HMX1: variants seen among roughly 807,000 people sequenced by gnomAD.
HMX1 encodes homeobox protein HMX1.
In HMX1, 8 loss-of-function variants were observed where a neutral mutation model predicts 8.9. That is an observed-to-expected ratio of 0.90 (90% CI 0.53 to 1.63). The LOEUF (loss-of-function observed/expected upper bound fraction) is 1.63. HMX1 is among the 40% of genes most tolerant of loss of function. The probability of loss-of-function intolerance (pLI) is 0.00; values close to 1 mark genes in which losing one functional copy is unlikely to be tolerated. For synonymous variants in HMX1, 311 were observed against 283.4 expected (o/e 1.10, Z -0.98); for missense variants, 621 against 558.5 (o/e 1.11, Z -1.13).
chr4:8,868,153 A>G lies in HMX1; in HGVS notation c.587T>C (p.Val196Ala), dbSNP rs1041653447. 15 of 1,503,688 alleles carry G rather than the reference A, an allele frequency of 1.0e-5. No individual in the cohort carries two copies. Among genetic ancestry groups the G allele is most frequent in the Middle Eastern group, 2.0e-4 (1 of 4,926 alleles). 93.1% of individuals were successfully genotyped at this position (1,503,688 alleles called of 1,614,324 possible). ...CTTCTTTCGGCCGCCGCCCACGCCA[A>G]CGCCGCCGCGTGTCTCCCCAGCCGC... ...PAAAGETRGG[V>A]GVGGGRKKKT... Residue 196 changes from valine to alanine, a missense_variant, in exon 2 of 2, where the codon GTT (valine) becomes GCT (alanine). Physicochemically the swap from Val to Ala is moderately conservative, Grantham distance 64 (BLOSUM62 0). Coordinates refer to ENST00000400677, the MANE Select transcript of HMX1 (RefSeq NM_018942.3). This position sits in a 1 kb window ranked among gnomAD's most constrained non-coding sequence, Gnocchi z 4.6.
intron 1 of HMX1, among the ~76,000 whole-genome samples, chr4:8,859,704 C>T (rs530746074): frequency 4.1e-4 from 62 of 152,352 alleles, no homozygotes; most frequent in Middle Eastern, 3.4e-3. Flanking sequence ...TACACACGTG[C>T]GTGGTCTATG....
At chr4:8,860,016 G>T (rs1253776933) in intron 1 of HMX1, among the ~76,000 whole-genome samples, 1 of 152,350 alleles carries the variant, frequency 6.6e-6, no homozygotes, top group Non-Finnish European at 1.5e-5. Flanking sequence ...ATTAGAACCG[G>T]CAGAGCCCCG....
At chr4:8,857,840 G>A (rs1478093648) in intron 1 of HMX1, among the ~76,000 whole-genome samples, 5 of 152,106 alleles carry the variant, frequency 3.3e-5, no homozygotes, top group African/African-American at 9.7e-5. Context: ...GCCCAGAGAA[G>A]TGCGCTCCTC....
chr4:8,854,312 G>A (rs1179176539), intron 1 of HMX1, among the ~76,000 whole-genome samples: 3 of 152,374 alleles, frequency 2.0e-5, no homozygotes, highest in Admixed American at 6.5e-5. Flanking sequence ...GGCTGATGCC[G>A]GGGAGAACCC....
intron 1 of HMX1, among the ~76,000 whole-genome samples, chr4:8,858,300 G>C (rs1721681341): frequency 6.6e-6 from 1 of 152,152 alleles, no homozygotes. Context: ...AGAAGCCGAG[G>C]CAGAGAGGTC....
At position 8,870,746 on chromosome 4, in the gene HMX1, C is replaced by T. The variant is rs1198131355; in HGVS notation, c.394+475G>A. ...TGTCTCCCTTTCCCTCCATCTCTTC[C>T]TCCTCTTTTCTCTCTCGGATCACTC... On this transcript the variant is annotated intron_variant, in intron 1 of 1. Coordinates refer to ENST00000400677, the MANE Select transcript of HMX1 (RefSeq NM_018942.3). The surrounding 1 kb of genome is among the most constrained non-coding windows in gnomAD (Gnocchi z 4.4). Among the ~76,000 whole-genome samples, 3 of 151,604 alleles carry T rather than the reference C, an allele frequency of 2.0e-5. No individual in the cohort carries two copies. The highest frequency in any genetic ancestry group is 7.3e-5 in the African/African-American group (3 of 41,260).
At chr4:8,864,442 G>A (rs528311041), downstream of HMX1, among the ~76,000 whole-genome samples, 2 of 152,194 alleles carry the variant, frequency 1.3e-5, no homozygotes, top group Non-Finnish European at 2.9e-5. Flanking sequence ...CCGCGAGGGG[G>A]GAGGGTGCAT....
In HMX1 at chr4:8,867,425, G is replaced by A. The variant is rs914441149; in HGVS notation, c.*268C>T. On this transcript the variant is annotated 3_prime_UTR_variant, in exon 2 of 2. Coordinates refer to ENST00000400677, the MANE Select transcript of HMX1 (RefSeq NM_018942.3). ...GAGGCCGGGGGGTGGCCGTGGCGCC[G>A]GGGGCTGCGCAGCCCAGAGTCTCTG... 1.6e-5 allele frequency: 18 copies of A among 1,093,650 alleles called. No individual in the cohort carries two copies. In the East Asian group the frequency reaches 4.5e-4, roughly 27 times the overall value. The allele number at this position is 1,093,650 out of a possible 1,614,324, so 67.7% of individuals were successfully genotyped here. A position where few individuals can be genotyped will look rare whatever the true frequency, so the allele number is the denominator to read the frequency against.
At position 8,867,946 on chromosome 4, in the gene HMX1, T is replaced by C. The variant is rs1189631858; in HGVS notation, c.794A>G (p.Glu265Gly). Residue 265 changes from glutamate to glycine, a missense_variant, in exon 2 of 2, where the codon GAG becomes GGG. Physicochemically the swap from Glu to Gly is moderately conservative, Grantham distance 98 (BLOSUM62 -2). Transcript: ENST00000400677. Reference sequence around the variant, plus strand: ...CGGGGACAGGCTGGCCGCCTCCAGCTCGGCTGCCAGCTGCCGCTTCCACTT... The same window carrying C: ...CGGGGACAGGCTGGCCGCCTCCAGCCCGGCTGCCAGCTGCCGCTTCCACTT... ...RNKWKRQLAAELEAASLSPPG... is the reference protein window; with the variant it reads ...RNKWKRQLAAGLEAASLSPPG... 1.8e-5 allele frequency: 27 copies of C among 1,485,666 alleles called. No homozygotes were observed. The highest frequency in any genetic ancestry group is 1.6e-4 in the African/African-American group (11 of 68,866). The allele number at this position is 1,485,666 out of a possible 1,614,324, so 92.0% of individuals were successfully genotyped here.
intron 1 of HMX1, among the ~76,000 whole-genome samples, chr4:8,852,743 T>C (rs1027168060): frequency 1.3e-5 from 2 of 152,230 alleles, no homozygotes; most frequent in African/African-American, 4.8e-5. Flanking sequence ...GGCTTCCAAG[T>C]TGCCTCCCAA....
At chr4:8,865,945 T>C (rs1721982904), downstream of HMX1, among the ~76,000 whole-genome samples, 1 of 152,022 alleles carries the variant, frequency 6.6e-6, no homozygotes, top group African/African-American at 2.4e-5. Flanking sequence ...GGGACTGGGT[T>C]GGGGGAGGCC....
intron 1 of HMX1, among the ~76,000 whole-genome samples, chr4:8,861,114 G>T (rs1157954240): frequency 6.6e-5 from 10 of 152,136 alleles, no homozygotes; most frequent in Non-Finnish European, 1.0e-4. Context: ...AGCGGAGCTG[G>T]CGCCACTGTC....
intron 1 of HMX1, among the ~76,000 whole-genome samples, chr4:8,852,333 C>CCACTG (rs1721479236): frequency 6.6e-6 from 1 of 152,246 alleles, no homozygotes; most frequent in Non-Finnish European, 1.5e-5. Flanking sequence ...TGCATCTGCT[C>CCACTG]CACTGCACTT....
At chr4:8,854,828 C>T (rs1281807941) in intron 1 of HMX1, among the ~76,000 whole-genome samples, 4 of 152,234 alleles carry the variant, frequency 2.6e-5, no homozygotes, top group African/African-American at 9.7e-5. Flanking sequence ...ACCCAGCACA[C>T]TTCAAACCAT....
downstream of HMX1, among the ~76,000 whole-genome samples, chr4:8,863,336 G>T (rs1721893358): frequency 6.6e-6 from 1 of 152,224 alleles, no homozygotes; most frequent in African/African-American, 2.4e-5. Context: ...TCTTGGGGGA[G>T]AGGCACTGAC....
At chr4:8,854,106 C>CCTCG (rs896253639) in intron 1 of HMX1, among the ~76,000 whole-genome samples, 2 of 152,206 alleles carry the variant, frequency 1.3e-5, no homozygotes, top group African/African-American at 4.8e-5. Flanking sequence ...TCTTACCCTG[C>CCTCG]CTCGAATGGG....
In HMX1 at chr4:8,854,314, G is replaced by C. The variant is rs528426745; in HGVS notation, c.395-7990C>G. Among the ~76,000 whole-genome samples, 9 of 152,394 alleles carry C rather than the reference G, an allele frequency of 5.9e-5. No homozygotes were observed. In the South Asian group the frequency reaches 1.9e-3, roughly 32 times the overall value. ...TGGGCCCCATACAGGCTGATGCCGG[G>C]GAGAACCCTGAATGGGATGAAGAGC... On this transcript the variant is annotated intron_variant, in intron 1 of 1. Coordinates refer to the HMX1 transcript ENST00000506970.
At chr4:8,863,482 T>G (rs1721897658), downstream of HMX1, among the ~76,000 whole-genome samples, 1 of 152,202 alleles carries the variant, frequency 6.6e-6, no homozygotes, top group Admixed American at 6.5e-5. Flanking sequence ...CTGGGAAACC[T>G]CCCTGCATGC....
chr4:8,871,155 CA>C lies in HMX1; in HGVS notation c.394+65del. On this transcript the variant is annotated intron_variant, in intron 1 of 1. Transcript: ENST00000400677. The surrounding 1 kb of genome is among the most constrained non-coding windows in gnomAD (Gnocchi z 4.8). ...GGGCGGCGACGAGCCCGAAGTCCCC[CA>C]GCAAATGCGCAGGGAGGAAGTCGGG... 1 of 1,305,248 alleles carries C rather than the reference CA, an allele frequency of 7.7e-7. No individual in the cohort carries two copies. Among genetic ancestry groups the C allele is most frequent in the Non-Finnish European group, 9.8e-7 (1 of 1,021,208 alleles). 80.9% of individuals were successfully genotyped at this position (1,305,248 alleles called of 1,614,324 possible). A position where few individuals can be genotyped will look rare whatever the true frequency, so the allele number is the denominator to read the frequency against.
Sources: allele counts gnomAD v4.1 joint callset (sites outside exome capture counted in the v4.1 genomes callset), GRCh38; gene constraint gnomAD v4.1.1; non-coding constraint Gnocchi (gnomAD v3.1); transcripts MANE v1.5; gene names NCBI Gene and HGNC (gene_info 2026-07-23, HGNC 2026-07-21).